The following CHEK2 variants were observed in gnomAD, a reference collection of about 807,000 sequenced individuals.
The protein encoded by CHEK2 is serine/threonine-protein kinase Chk2.
A neutral mutation model predicts 69.1 loss-of-function variants in CHEK2; 71 were observed. That is an observed-to-expected ratio of 1.03 (90% CI 0.85 to 1.25). The LOEUF (loss-of-function observed/expected upper bound fraction) is 1.25. Ranked by LOEUF, CHEK2 falls within the 50% of genes most tolerant of loss-of-function variation. The pLI is 0.00. For missense variants in CHEK2, 664 were observed against 649.6 expected, an observed-to-expected ratio of 1.02 and a Z score of -0.24; for synonymous variants, 189 against 226.9, an observed-to-expected ratio of 0.83 and a Z score of 1.50.
intron 7 of CHEK2, among the ~76,000 whole-genome samples, chr22:28,705,824 G>A (rs1245451776): frequency 6.6e-6 from 1 of 151,928 alleles, no homozygotes; most frequent in Admixed American, 6.6e-5. Context: ...TACTTGGGAG[G>A]CTGAGACAGG....
intron 13 of CHEK2, among the ~76,000 whole-genome samples, chr22:28,690,990 T>C (rs1472410665): frequency 1.3e-5 from 2 of 151,792 alleles, no homozygotes; most frequent in African/African-American, 4.8e-5. Context: ...GAGGTCACTC[T>C]GTTTTGAGTT....
At position 28,687,961 on chromosome 22, in the gene CHEK2, C is replaced by T. The variant is rs948928965; in HGVS notation, c.1568G>A (p.Arg523His). 11 of 1,596,118 alleles carry T rather than the reference C, an allele frequency of 6.9e-6. No homozygotes were observed. Among genetic ancestry groups the T allele is most frequent in the African/African-American group, 2.7e-5 (2 of 74,840 alleles). ...AQPSTSRKRP[R>H]EGEAEGAETT... Reference sequence around the variant, plus strand: ...CTCGGCACCCTCGGCTTCCCCTTCACGGGGCCGCTTTCGACTAGTAGAAGG... The same window carrying T: ...CTCGGCACCCTCGGCTTCCCCTTCATGGGGCCGCTTTCGACTAGTAGAAGG... Residue 523 changes from arginine (R) to histidine (H), a missense_variant, in exon 15 of 15, where the codon CGT becomes CAT. Transcript: ENST00000404276.
Position 28,725,331 on chromosome 22 carries a change from T to C in CHEK2, c.356A>G (p.Lys119Arg), listed in dbSNP as rs373648967. 3 of 1,613,996 alleles carry C rather than the reference T, an allele frequency of 1.9e-6. No homozygotes were observed. The highest frequency in any genetic ancestry group is 2.7e-5 in the African/African-American group (2 of 74,944). The change falls in exon 3 of 15, where the codon AAA (lysine) becomes AGA (arginine). Residue 119 changes from lysine (K) to arginine (R), a missense_variant. Coordinates refer to ENST00000404276, the MANE Select transcript of CHEK2 (RefSeq NM_007194.4). ...TTCATCAAAGCAATATTCACAGCTT[T>C]TGTCCCTCCCAAACCAGTAGTTGTC... is the stretch of plus-strand genomic sequence containing the variant. ...VNDNYWFGRDKSCEYCFDEPL... is the reference protein window; with the variant it reads ...VNDNYWFGRDRSCEYCFDEPL...
chr22:28,721,006 C>T (rs2053755111), intron 4 of CHEK2, among the ~76,000 whole-genome samples: 1 of 152,178 alleles, frequency 6.6e-6, no homozygotes, highest in African/African-American at 2.4e-5. Context: ...TACAGATCCT[C>T]CGGTTGTGGG....
rs368334765 is a variant in CHEK2, at chr22:28,710,609, C to G, written c.793-550G>C. 9.2e-5 allele frequency among the ~76,000 whole-genome samples: 14 copies of G among 152,318 alleles called. No individual in the cohort carries two copies. In the East Asian group the frequency reaches 1.9e-3, roughly 21 times the overall value. ...GCAGCCTCGCATATTTACTGAGACT[C>G]TGACAAGAGGAGGCTTCAGGGTACT... On this transcript the variant is annotated intron_variant, in intron 6 of 14. Coordinates refer to ENST00000404276, the MANE Select transcript of CHEK2 (RefSeq NM_007194.4).
At chr22:28,731,756 G>C (rs1275998931) in intron 2 of CHEK2, among the ~76,000 whole-genome samples, 1 of 151,964 alleles carries the variant, frequency 6.6e-6, no homozygotes, top group Non-Finnish European at 1.5e-5. Context: ...TCAAACTCCT[G>C]GGTTCAAGCT....
chr22:28,688,347 T>C (rs1375541500), intron 14 of CHEK2, among the ~76,000 whole-genome samples: 9 of 152,256 alleles, frequency 5.9e-5, no homozygotes, highest in Non-Finnish European at 1.3e-4. Flanking sequence ...AGACAACCTT[T>C]GTGCCTTAGT....
At chr22:28,723,077 T>C (rs2053856287) in intron 4 of CHEK2, among the ~76,000 whole-genome samples, 1 of 152,196 alleles carries the variant, frequency 6.6e-6, no homozygotes, top group Admixed American at 6.6e-5. Flanking sequence ...CTTTTAACTC[T>C]ATTGGTTGTT....
At chr22:28,735,091 A>G (rs1457448559) in intron 1 of CHEK2, among the ~76,000 whole-genome samples, 1 of 152,130 alleles carries the variant, frequency 6.6e-6, no homozygotes, top group Non-Finnish European at 1.5e-5. Context: ...GTACTGATAC[A>G]ATCAACACTA....
intron 2 of CHEK2, among the ~76,000 whole-genome samples, chr22:28,729,724 T>C (rs2054136501): frequency 1.3e-5 from 2 of 151,730 alleles, no homozygotes; most frequent in African/African-American, 4.8e-5. Context: ...GGAATAGGAG[T>C]AAACTCCTTC....
chr22:28,732,118 C>CTTTTTTT (rs904234823), intron 2 of CHEK2, among the ~76,000 whole-genome samples: 1 of 146,124 alleles, frequency 6.8e-6, no homozygotes, highest in Non-Finnish European at 1.5e-5. Flanking sequence ...ATTTTTTTTT[C>CTTTTTTT]TTTTTTTTTT....
At position 28,710,979 on chromosome 22, in the gene CHEK2, T is replaced by C. The variant is rs118116985; in HGVS notation, c.793-920A>G. ...TTAGAATCATAGGGGAAAAGATCTA[T>C]AACAAAGTGAACACAAAAAGGAAAT... On this transcript the variant is annotated intron_variant, in intron 6 of 14. Transcript: ENST00000404276. Among the ~76,000 whole-genome samples the C allele has an allele frequency of 3.4e-3, 511 of 152,268 alleles. 25 individuals are homozygous for C. In the East Asian group the frequency reaches 0.079, roughly 23 times the overall value.
intron 7 of CHEK2, among the ~76,000 whole-genome samples, chr22:28,704,664 C>G (rs1235883383): frequency 6.6e-6 from 1 of 152,088 alleles, no homozygotes; most frequent in Non-Finnish European, 1.5e-5. Flanking sequence ...ATACAGAAGT[C>G]AGAAGACAGT....
At chr22:28,712,293 T>C (rs982890402) in intron 5 of CHEK2, 12 of 441,470 alleles carry the variant, frequency 2.7e-5, no homozygotes, top group Admixed American at 1.2e-4. Flanking sequence ...CCCAGAAAGA[T>C]ACTAAGAGAA....
At position 28,703,699 on chromosome 22, in the gene CHEK2, G is replaced by A. The variant is rs1001881846; in HGVS notation, c.847-133C>T. On this transcript the variant is annotated intron_variant, in intron 7 of 14. Transcript: ENST00000404276. Reference sequence around the variant, plus strand: ...TCTGGCCCCCTGCCTCAGAGGCTTGGAAGTTCAATCAGGGGAGAAGGCAGA... The same window carrying A: ...TCTGGCCCCCTGCCTCAGAGGCTTGAAAGTTCAATCAGGGGAGAAGGCAGA... 12 of 663,802 alleles carry A rather than the reference G, an allele frequency of 1.8e-5. No homozygotes were observed. In the African/African-American group the frequency reaches 2.0e-4, roughly 11 times the overall value. The allele number at this position is 663,802 out of a possible 1,614,324, so 41.1% of individuals were successfully genotyped here.
rs766364940 is a variant in CHEK2, at chr22:28,733,252, G to GT, written c.319+1150_319+1151insA. Among the ~76,000 whole-genome samples the GT allele has an allele frequency of 1.9e-4, 29 of 152,312 alleles. No individual in the cohort carries two copies. In the East Asian group the frequency reaches 5.4e-3, roughly 28 times the overall value. ...GTCAACAAATGGCCATCTCTATTCT[G>GT]AACAGCTCTGATTCTCTGAAGCTGT... On this transcript the variant is annotated intron_variant, in intron 2 of 14. Transcript: ENST00000404276.
chr22:28,697,791 G>T (rs2052649475), intron 9 of CHEK2, among the ~76,000 whole-genome samples: 1 of 151,872 alleles, frequency 6.6e-6, no homozygotes, highest in Non-Finnish European at 1.5e-5. Flanking sequence ...GCCCAAGCTG[G>T]TCTGGAACTC....
chr22:28,727,002 C>T (rs371409311), intron 2 of CHEK2, among the ~76,000 whole-genome samples: 5 of 151,922 alleles, frequency 3.3e-5, no homozygotes, highest in African/African-American at 9.7e-5. Flanking sequence ...ATACTATCTA[C>T]ACAACACTAT....
intron 7 of CHEK2, among the ~76,000 whole-genome samples, chr22:28,705,659 C>T (rs1047616047): frequency 7.9e-5 from 12 of 152,142 alleles, no homozygotes; most frequent in Non-Finnish European, 1.5e-4. Flanking sequence ...GGCGCAGTGG[C>T]ACATGCCTGT....
Sources: gnomAD v4.1 joint callset for allele counts (sites outside exome capture counted in the v4.1 genomes callset) on GRCh38, gnomAD v4.1.1 for gene constraint, MANE v1.5 for transcripts, NCBI Gene and HGNC (gene_info 2026-07-23, HGNC 2026-07-21) for gene names.